The following HAUS1 variants were observed in gnomAD, a reference collection of about 807,000 sequenced individuals.
HAUS1 encodes the protein HAUS augmin-like complex subunit 1.
HAUS1 carries 25 observed loss-of-function variants against 38.6 expected under a neutral mutation model. The ratio of observed to expected loss-of-function variants is 0.65; its 90% CI spans 0.47 to 0.91. The LOEUF (loss-of-function observed/expected upper bound fraction) is 0.91. Among genes scored for constraint, HAUS1 ranks in the 40% least tolerant of loss-of-function variants. The pLI is 0.00. For missense variants in HAUS1, 325 were observed against 328.4 expected (o/e 0.99, Z 0.08); for synonymous variants, 109 against 112.9 (o/e 0.97, Z 0.22).
intron 2 of HAUS1, among the ~76,000 whole-genome samples, chr18:46,113,000 A>ATATATATGGAATATATATATTCCATATTT: frequency 8.1e-6 from 1 of 123,804 alleles, no homozygotes. Flanking sequence ...TATATTCCAT[A>ATATATATGGAATATATATATTCCATATTT]TATATGGAAT....
At chr18:46,119,072 T>C (rs1911868275) in intron 3 of HAUS1, among the ~76,000 whole-genome samples, 1 of 152,110 alleles carries the variant, frequency 6.6e-6, no homozygotes, top group African/African-American at 2.4e-5. Context: ...GGTTTCACCA[T>C]GCTGGCCAGG....
intron 2 of HAUS1, among the ~76,000 whole-genome samples, chr18:46,116,371 A>G (rs1272301): frequency 4.6e-5 from 7 of 151,408 alleles, no homozygotes; most frequent in African/African-American, 7.3e-5. Context: ...AGGTCAGCCT[A>G]GGCAACATGG....
At chr18:46,123,393 T>G (rs951546492) in intron 6 of HAUS1, 29 bp downstream of exon 6, 3 of 1,489,732 alleles carry the variant, frequency 2.0e-6, no homozygotes, top group African/African-American at 1.4e-5. Context: ...AATTTAACTT[T>G]CTTTAAAATT....
intron 1 of HAUS1, among the ~76,000 whole-genome samples, chr18:46,104,750 C>G (rs1156659831): frequency 2.7e-5 from 4 of 146,324 alleles, no homozygotes; most frequent in African/African-American, 7.3e-5. Context: ...CTGCTCAGCC[C>G]GGCGGCTTCC....
intron 2 of HAUS1, among the ~76,000 whole-genome samples, chr18:46,105,590 GTGTA>G (rs1412610248): frequency 3.5e-5 from 5 of 143,488 alleles, no homozygotes; most frequent in African/African-American, 1.3e-4. Context: ...GTGTGTGTGT[GTGTA>G]TATATTTTAG....
Position 46,104,421 on chromosome 18 carries a change from C to T in HAUS1, c.10C>T (p.Gln4Ter), listed in dbSNP as rs1262852133. The change falls in exon 1 of 9, where the codon CAG becomes TAG. Residue 4 changes from glutamine (Q) to a stop codon, truncating the protein, a stop_gained. Coordinates refer to ENST00000282058, the MANE Select transcript of HAUS1 (RefSeq NM_138443.4). LOFTEE classifies it high-confidence loss of function. Reference sequence around the variant, plus strand: ...GGCGGGAGCCGCAGCTATGGAGCCGCAGGAGGAGAGAGAAACGCAGGTGAT... The same window carrying T: ...GGCGGGAGCCGCAGCTATGGAGCCGTAGGAGGAGAGAGAAACGCAGGTGAT... MEP[Q>*]EERETQVAAW... is the part of the protein sequence containing the mutation. The T allele has an allele frequency of 4.1e-6, 6 of 1,464,162 alleles. No homozygotes were observed. Among genetic ancestry groups the T allele is most frequent in the African/African-American group, 1.4e-5 (1 of 69,318 alleles). 90.7% of individuals were successfully genotyped at this position (1,464,162 alleles called of 1,614,324 possible).
chr18:46,121,678 CTG>C (rs1307210050), intron 4 of HAUS1: 1 of 151,990 alleles, frequency 6.6e-6, no homozygotes, highest in Non-Finnish European at 1.5e-5. Flanking sequence ...CTAATTTTCT[CTG>C]TGTCGTTCTA....
intron 2 of HAUS1, among the ~76,000 whole-genome samples, chr18:46,112,854 C>T: frequency 2.4e-5 from 2 of 81,836 alleles, no homozygotes; most frequent in South Asian, 3.6e-4. Flanking sequence ...ATATATATTC[C>T]ATATTACATA....
intron 2 of HAUS1, among the ~76,000 whole-genome samples, chr18:46,113,027 A>T (rs1377636470): frequency 1.7e-5 from 2 of 117,072 alleles, no homozygotes; most frequent in Non-Finnish European, 3.5e-5. Flanking sequence ...ATTCCATATT[A>T]TATATATAAT....
At chr18:46,105,546 ATGTATGTG>A (rs775340857) in intron 2 of HAUS1, 178 bp downstream of exon 2, 9,120 of 478,222 alleles carry the variant, frequency 0.019, 210 homozygotes, top group East Asian at 0.08. Context: ...ATATATGTAT[ATGTATGTG>A]TGTGTGTGTG....
chr18:46,104,815 G>GC (rs1911412848), intron 1 of HAUS1, among the ~76,000 whole-genome samples: 1 of 152,224 alleles, frequency 6.6e-6, no homozygotes, highest in Non-Finnish European at 1.5e-5. Flanking sequence ...TCCCGGCGCG[G>GC]CGGGGCTTCT....
At chr18:46,120,965 C>T (rs1040329557) in intron 4 of HAUS1, among the ~76,000 whole-genome samples, 1 of 152,162 alleles carries the variant, frequency 6.6e-6, no homozygotes, top group Admixed American at 6.6e-5. Flanking sequence ...CTTAAAGTCA[C>T]ATTATGTTTT....
At chr18:46,107,842 A>C (rs75450851) in intron 2 of HAUS1, among the ~76,000 whole-genome samples, 1,981 of 152,254 alleles carry the variant, frequency 0.013, 42 homozygotes, top group African/African-American at 0.045. Flanking sequence ...AAAGGACATA[A>C]AACTTTTAGA....
intron 2 of HAUS1, among the ~76,000 whole-genome samples, chr18:46,107,815 T>C (rs1023068489): frequency 1.3e-5 from 2 of 152,168 alleles, no homozygotes; most frequent in African/African-American, 4.8e-5. Context: ...CTTTTGGAAA[T>C]ATTTGCAGGA....
chr18:46,128,057 A>G lies in HAUS1; in HGVS notation c.787-18A>G. 6.7e-7 allele frequency: 1 copy of G among 1,502,016 alleles called. No homozygotes were observed. Among genetic ancestry groups the G allele is most frequent in the Non-Finnish European group, 9.0e-7 (1 of 1,106,716 alleles). The allele number at this position is 1,502,016 out of a possible 1,614,324, so 93.0% of individuals were successfully genotyped here. A position where few individuals can be genotyped will look rare whatever the true frequency, so the allele number is the denominator to read the frequency against. The stretch of plus-strand genomic sequence containing the variant: ...TCTGTTTTATGTCCTTATCTATGGT[A>G]TGTCTTTCTTCCTGTAGGATAGCAT... On this transcript the variant is annotated intron_variant, in intron 8 of 8. Coordinates refer to ENST00000282058, the MANE Select transcript of HAUS1 (RefSeq NM_138443.4).
chr18:46,108,122 C>T (rs932620239), intron 2 of HAUS1, among the ~76,000 whole-genome samples: 1 of 152,094 alleles, frequency 6.6e-6, no homozygotes, highest in African/African-American at 2.4e-5. Flanking sequence ...GCTAGAACCT[C>T]CAATATGATG....
intron 8 of HAUS1, 181 bp downstream of exon 8, chr18:46,125,972 T>G: frequency 2.0e-6 from 1 of 498,042 alleles, no homozygotes; most frequent in South Asian, 2.8e-5. Context: ...TGTATATATT[T>G]TTTCCATTAA....
intron 2 of HAUS1, among the ~76,000 whole-genome samples, chr18:46,110,854 G>A (rs951290558): frequency 7.2e-5 from 10 of 139,502 alleles, no homozygotes; most frequent in African/African-American, 2.6e-4. Context: ...GTAACAGGTA[G>A]TTTTTTTTTT....
intron 8 of HAUS1, among the ~76,000 whole-genome samples, chr18:46,127,263 T>TGGCATTACAG (rs1451953869): frequency 1.6e-4 from 25 of 152,028 alleles, no homozygotes; most frequent in Middle Eastern, 3.4e-3. Context: ...TGAGCCACCG[T>TGGCATTACAG]GCCTGGCCAA....
Sources: allele counts gnomAD v4.1 joint callset (sites outside exome capture counted in the v4.1 genomes callset), GRCh38; gene constraint gnomAD v4.1.1; transcripts MANE v1.5; gene names NCBI Gene and HGNC (gene_info 2026-07-23, HGNC 2026-07-21).